Variants in MN1 observed in about 807,000 individuals in gnomAD.
MN1 encodes MN1 proto-oncogene, transcriptional regulator.
A neutral mutation model predicts 86.9 loss-of-function variants in MN1; 19 were observed. The ratio of observed to expected loss-of-function variants is 0.22; its 90% CI spans 0.15 to 0.32. The LOEUF (loss-of-function observed/expected upper bound fraction) is 0.32. Among genes scored for constraint, MN1 ranks in the 10% least tolerant of loss-of-function variants. MN1 has a pLI of 1.00. For missense variants in MN1, 1,841 were observed against 1,862.0 expected (o/e 0.99, Z 0.21); for synonymous variants, 928 against 849.6 (o/e 1.09, Z -1.60).
At chr22:27,759,610 A>G (rs1932821693) in intron 1 of MN1, among the ~76,000 whole-genome samples, 1 of 152,162 alleles carries the variant, frequency 6.6e-6, no homozygotes, top group Non-Finnish European at 1.5e-5. Flanking sequence ...CCACTTGCTG[A>G]GCCTCAGTTT....
Position 27,797,984 on chromosome 22 carries a change from G to A in MN1, c.2560C>T (p.Pro854Ser). The A allele has an allele frequency of 6.3e-7, 1 of 1,593,932 alleles. No homozygotes were observed. The highest frequency in any genetic ancestry group is 8.5e-7 in the Non-Finnish European group (1 of 1,171,826). ...LNVTFNKKNP[P>S]EGKRKLSQNE... ...TGGCTCAGTTTCCTCTTGCCCTCTGGCGGGTTCTTCTTGTTGAAGGTCACG... is the reference window on the plus strand; with the variant it reads ...TGGCTCAGTTTCCTCTTGCCCTCTGACGGGTTCTTCTTGTTGAAGGTCACG... The change falls in exon 1 of 2, where the codon CCA (proline) becomes TCA (serine). Residue 854 changes from proline to serine, a missense_variant. Transcript: ENST00000302326.
rs1281429960 is a variant in MN1 at position 27,797,719 on chromosome 22, C to T, written c.2825G>A (p.Gly942Glu). ...GKPVSGGGGR[G>E]RGRRKRDSGH... ...ACTGTCCCTTTTTCTGCGACCCCGTCCCCGGCCGCCGCCCCCGGAGACCGG... is the reference window on the plus strand; with the variant it reads ...ACTGTCCCTTTTTCTGCGACCCCGTTCCCGGCCGCCGCCCCCGGAGACCGG... Residue 942 changes from glycine (G) to glutamate (E), a missense_variant, in exon 1 of 2, where the codon GGA becomes GAA. Transcript: ENST00000302326. The T allele has an allele frequency of 3.7e-6, 6 of 1,611,288 alleles. No individual in the cohort carries two copies. In the South Asian group the frequency reaches 4.4e-5, roughly 12 times the overall value.
intron 1 of MN1, among the ~76,000 whole-genome samples, chr22:27,757,460 C>T (rs1333581209): frequency 1.3e-5 from 2 of 152,220 alleles, no homozygotes; most frequent in Admixed American, 6.5e-5. Flanking sequence ...GGTCAGGGTG[C>T]AATCCCAGGC....
intron 1 of MN1, among the ~76,000 whole-genome samples, chr22:27,792,890 C>T (rs1037438747): frequency 6.6e-6 from 1 of 151,830 alleles, no homozygotes; most frequent in South Asian, 2.1e-4. Flanking sequence ...GACCTACCTG[C>T]CCCCCCGCCC....
rs1444937888 is a variant in MN1, at chr22:27,799,517, G to C, written c.1027C>G (p.Gln343Glu). The change falls in exon 1 of 2, where the codon CAG (glutamine) becomes GAG (glutamate). Residue 343 changes from glutamine to glutamate, a missense_variant. Transcript: ENST00000302326. ...TGCTGCTGAGGGGGTGGCGGGGCCT[G>C]CTGGGGAGGCTGCATTAACGGGTGC... Reference protein sequence around the residue: ...SRHPLMQPPQQAPPPPQQQPP... With the variant: ...SRHPLMQPPQEAPPPPQQQPP... 2.1e-6 allele frequency: 3 copies of C among 1,454,098 alleles called. No individual in the cohort carries two copies. Among genetic ancestry groups the C allele is most frequent in the East Asian group, 5.0e-5 (2 of 39,840 alleles). The allele number at this position is 1,454,098 out of a possible 1,614,324, so 90.1% of individuals were successfully genotyped here.
chr22:27,759,028 A>G (rs1262349064), intron 1 of MN1, among the ~76,000 whole-genome samples: 2 of 152,000 alleles, frequency 1.3e-5, no homozygotes, highest in Non-Finnish European at 2.9e-5. Context: ...GGAGTTCACC[A>G]TGTTGCCCAA....
At chr22:27,770,236 AC>A (rs1352313350) in intron 1 of MN1, among the ~76,000 whole-genome samples, 1 of 152,222 alleles carries the variant, frequency 6.6e-6, no homozygotes, top group Non-Finnish European at 1.5e-5. Flanking sequence ...ATCAGGTGTA[AC>A]CTGGATTTTA....
chr22:27,750,738 A>G lies in MN1; in HGVS notation c.*177T>C. The G allele has an allele frequency of 2.1e-6, 1 of 480,602 alleles. No homozygotes were observed. Among genetic ancestry groups the G allele is most frequent in the Non-Finnish European group, 3.6e-6 (1 of 281,526 alleles). 29.8% of individuals were successfully genotyped at this position (480,602 alleles called of 1,614,324 possible). ...TTTGAGGTTCCCCCCCTTTAAATTA[A>G]CCCTTTCCGGTCCATATGCCACTAA... is the stretch of plus-strand genomic sequence containing the variant. On this transcript the variant is annotated 3_prime_UTR_variant, in exon 2 of 2. Coordinates refer to ENST00000302326, the MANE Select transcript of MN1 (RefSeq NM_002430.3).
intron 1 of MN1, among the ~76,000 whole-genome samples, chr22:27,751,977 G>T (rs1387690564): frequency 6.6e-6 from 1 of 152,164 alleles, no homozygotes. Context: ...TTGAGAGTGG[G>T]GGCATGGGAG....
intron 1 of MN1, among the ~76,000 whole-genome samples, chr22:27,763,978 C>T (rs1932852086): frequency 6.6e-6 from 1 of 152,144 alleles, no homozygotes; most frequent in South Asian, 2.1e-4. Context: ...GCACGCCAAA[C>T]CCAGGCGTGA....
At chr22:27,772,097 T>C (rs573056867) in intron 1 of MN1, among the ~76,000 whole-genome samples, 1 of 152,222 alleles carries the variant, frequency 6.6e-6, no homozygotes, top group South Asian at 2.1e-4. Context: ...TGTGTCCTCC[T>C]GCCCGGCCCT....
At chr22:27,772,852 C>CCAT (rs113365837) in intron 1 of MN1, among the ~76,000 whole-genome samples, 3,865 of 147,498 alleles carry the variant, frequency 0.026, 70 homozygotes, top group East Asian at 0.074. Flanking sequence ...ATCACCATTG[C>CCAT]CATCATCATC....
intron 1 of MN1, among the ~76,000 whole-genome samples, chr22:27,773,431 C>T (rs1301128672): frequency 2.6e-5 from 4 of 152,226 alleles, no homozygotes; most frequent in Non-Finnish European, 5.9e-5. Context: ...TCAGGCGACT[C>T]CAAACCTTTC....
chr22:27,756,332 C>T lies in MN1; in HGVS notation c.3782-5236G>A, dbSNP rs186351771. Among the ~76,000 whole-genome samples the T allele has an allele frequency of 8.1e-4, 123 of 152,306 alleles. 1 individual carries two copies. The highest frequency in any genetic ancestry group is 2.9e-3 in the African/African-American group (121 of 41,570). ...TCACCCTGCTCTGCACTAAAATCCG[C>T]GGACCAGGTTCCAATGTGGGTGAGC... On this transcript the variant is annotated intron_variant, in intron 1 of 1. Transcript: ENST00000302326.
At chr22:27,790,482 C>T (rs908145843) in intron 1 of MN1, among the ~76,000 whole-genome samples, 2 of 152,290 alleles carry the variant, frequency 1.3e-5, no homozygotes, top group East Asian at 1.9e-4. Context: ...CACAGTTTCT[C>T]GGGGCCCTGG....
At position 27,775,100 on chromosome 22, in the gene MN1, G is replaced by A. The variant is rs531348431; in HGVS notation, c.3781+21663C>T. The stretch of plus-strand genomic sequence containing the variant: ...GGGGATACATCAGGCTTTGCCATAT[G>A]TCGGCTGTGCTCTCAGGCAGGTCCC... On this transcript the variant is annotated intron_variant, in intron 1 of 1. Coordinates refer to ENST00000302326, the MANE Select transcript of MN1 (RefSeq NM_002430.3). Among the ~76,000 whole-genome samples the A allele has an allele frequency of 3.2e-4, 49 of 152,328 alleles. 1 individual carries two copies. In the South Asian group the frequency reaches 0.01, roughly 32 times the overall value.
chr22:27,776,923 G>A (rs913990489), intron 1 of MN1, among the ~76,000 whole-genome samples: 19 of 152,092 alleles, frequency 1.2e-4, no homozygotes, highest in African/African-American at 2.4e-4. Flanking sequence ...GAGCCGGTGG[G>A]GGAGAGGGAG....
At position 27,798,421 on chromosome 22, in the gene MN1, C is replaced by T. The variant is rs1933349928; in HGVS notation, c.2123G>A (p.Gly708Asp). The change falls in exon 1 of 2, where the codon GGC (glycine) becomes GAC (aspartate). Residue 708 changes from glycine (G) to aspartate (D), a missense_variant. Gly to Asp is a moderately conservative substitution (Grantham distance 94). Coordinates refer to ENST00000302326, the MANE Select transcript of MN1 (RefSeq NM_002430.3). ...PGLQFGGSLG[G>D]LGQLQSPGAG... is the part of the protein sequence containing the mutation. ...CCCGGGCGACTGCAGCTGACCCAGG[C>T]CTCCCAGACTGCCCCCGAACTGCAG... The T allele has an allele frequency of 1.3e-6, 2 of 1,543,168 alleles. No individual in the cohort carries two copies. Among genetic ancestry groups the T allele is most frequent in the African/African-American group, 1.4e-5 (1 of 71,430 alleles).
rs1350212376 is a variant in MN1, at chr22:27,792,351, T to TATATATATATAA, written c.3781+4411_3781+4412insTTATATATATAT. Reference sequence around the variant, plus strand: ...ATATATATATATATATATATATATATGAATATATAAATATATTTTGCATAT... The same window carrying TATATATATATAA: ...ATATATATATATATATATATATATATATATATATATAAGAATATATAAATATATTTTGCATAT... On this transcript the variant is annotated intron_variant, in intron 1 of 1. Transcript: ENST00000302326. 8.1e-4 allele frequency among the ~76,000 whole-genome samples: 88 copies of TATATATATATAA among 109,158 alleles called. 3 individuals carry two copies. The highest frequency in any genetic ancestry group is 5.7e-3 in the Middle Eastern group (1 of 174). The allele number at this position is 109,158 out of a possible 152,430, so 71.6% of individuals were successfully genotyped here.
Sources: gnomAD v4.1 joint callset for allele counts (sites outside exome capture counted in the v4.1 genomes callset) on GRCh38, gnomAD v4.1.1 for gene constraint, MANE v1.5 for transcripts, NCBI Gene and HGNC (gene_info 2026-07-23, HGNC 2026-07-21) for gene names.